Variants in BIRC2 observed in about 807,000 individuals in gnomAD.
BIRC2 encodes baculoviral IAP repeat containing 2, also known as baculoviral IAP repeat-containing protein 2.
In BIRC2, 18 loss-of-function variants were observed where a neutral mutation model predicts 60.9. The observed-to-expected ratio is 0.30, with a 90% CI of 0.20 to 0.44. The LOEUF (loss-of-function observed/expected upper bound fraction) is 0.44, where lower values mean the gene tolerates loss of function less well. Ranked by LOEUF, BIRC2 falls within the 20% of genes least tolerant of loss-of-function variation. BIRC2 has a pLI of 1.00. For missense variants in BIRC2, 701 were observed against 728.5 expected (o/e 0.96, Z 0.43); for synonymous variants, 282 against 247.7 (o/e 1.14, Z -1.30).
At position 102,350,830 on chromosome 11, in the gene BIRC2, T is replaced by G; in HGVS notation, c.896-14T>G. 3.1e-6 allele frequency: 5 copies of G among 1,612,240 alleles called. No individual in the cohort carries two copies. Among genetic ancestry groups the G allele is most frequent in the Non-Finnish European group, 4.2e-6 (5 of 1,179,544 alleles). The stretch of plus-strand genomic sequence containing the variant: ...CATACGTGTTTTCAATATTTAGTCT[T>G]TTTTTTCCTGAAGGTCGCAATGATG... On this transcript the variant is annotated splice_polypyrimidine_tract_variant and intron_variant, in intron 2 of 8. Coordinates refer to ENST00000227758, the MANE Select transcript of BIRC2 (RefSeq NM_001166.5).
chr11:102,361,264 T>C (rs1951482822), intron 3 of BIRC2, among the ~76,000 whole-genome samples: 1 of 152,182 alleles, frequency 6.6e-6, no homozygotes, highest in Non-Finnish European at 1.5e-5. Flanking sequence ...GTGCCTCAGA[T>C]GTGGGTGCAC....
chr11:102,352,603 G>C (rs769501499), intron 3 of BIRC2, among the ~76,000 whole-genome samples: 2 of 151,982 alleles, frequency 1.3e-5, no homozygotes. Context: ...AGTAGAGACA[G>C]GGTTTTTAGT....
Position 102,350,126 on chromosome 11 carries a change from A to G in BIRC2, c.272A>G (p.Asp91Gly). ...VKCFCCGLML[D>G]NWKLGDSPIQ... ...TGCTTCTGTTGTGGCCTGATGCTGG[A>G]TAACTGGAAACTAGGAGACAGTCCT... Residue 91 changes from aspartate to glycine, a missense_variant, in exon 2 of 9, where the codon GAT (aspartate) becomes GGT (glycine). This residue lies in a region of BIRC2 where 375 missense variants were observed against 365.9 expected (regional missense o/e 1.02). Coordinates refer to ENST00000227758, the MANE Select transcript of BIRC2 (RefSeq NM_001166.5). 3.1e-6 allele frequency: 5 copies of G among 1,614,220 alleles called. No individual in the cohort carries two copies. The highest frequency in any genetic ancestry group is 4.2e-6 in the Non-Finnish European group (5 of 1,180,032).
At chr11:102,360,548 TTATC>T (rs1951473834) in intron 3 of BIRC2, among the ~76,000 whole-genome samples, 1 of 152,056 alleles carries the variant, frequency 6.6e-6, no homozygotes, top group African/African-American at 2.4e-5. Context: ...TTTTATTTCA[TTATC>T]TGTGTTCTTT....
At chr11:102,353,376 C>T (rs993971067) in intron 3 of BIRC2, among the ~76,000 whole-genome samples, 1 of 152,118 alleles carries the variant, frequency 6.6e-6, no homozygotes, top group African/African-American at 2.4e-5. Context: ...CCTATCACTG[C>T]TGGAGTGCAG....
chr11:102,348,095 G>C (rs545507782), intron 1 of BIRC2, among the ~76,000 whole-genome samples: 1 of 152,272 alleles, frequency 6.6e-6, no homozygotes, highest in Non-Finnish European at 1.5e-5. Context: ...AATTGTAAGG[G>C]AATGGCAGAG....
At chr11:102,354,563 G>A (rs1951399399) in intron 3 of BIRC2, among the ~76,000 whole-genome samples, 1 of 152,166 alleles carries the variant, frequency 6.6e-6, no homozygotes. Context: ...TTGAACATGG[G>A]AGTAGAGATA....
chr11:102,374,636 G>T (rs1565339195), intron 6 of BIRC2, among the ~76,000 whole-genome samples: 4 of 152,000 alleles, frequency 2.6e-5, no homozygotes, highest in African/African-American at 9.7e-5. Flanking sequence ...TCTGTGCCCT[G>T]CCCCCAGAGG....
chr11:102,374,117 C>T (rs1951670224), intron 6 of BIRC2, among the ~76,000 whole-genome samples: 1 of 148,416 alleles, frequency 6.7e-6, no homozygotes, highest in Admixed American at 6.7e-5. Flanking sequence ...GTTTGAATGT[C>T]CTCCTGTAGC....
intron 4 of BIRC2, among the ~76,000 whole-genome samples, 188 bp downstream of exon 4, chr11:102,363,162 T>G (rs1951504988): frequency 6.6e-6 from 1 of 152,194 alleles, no homozygotes; most frequent in South Asian, 2.1e-4. Flanking sequence ...GTACATACTT[T>G]CATCCATGTT....
intron 2 of BIRC2, 35 bp downstream of exon 2, chr11:102,350,784 A>C: frequency 1.9e-6 from 3 of 1,600,912 alleles, no homozygotes; most frequent in Non-Finnish European, 2.6e-6. Context: ...TTATCATTTT[A>C]TTTTAATTTA....
chr11:102,374,769 G>C (rs957084741), intron 6 of BIRC2, among the ~76,000 whole-genome samples: 1 of 152,182 alleles, frequency 6.6e-6, no homozygotes, highest in Non-Finnish European at 1.5e-5. Flanking sequence ...CCCCAGCCTC[G>C]CTGCTGCCTT....
chr11:102,356,151 A>T (rs1386831213), intron 3 of BIRC2, among the ~76,000 whole-genome samples: 2 of 151,492 alleles, frequency 1.3e-5, no homozygotes, highest in African/African-American at 4.8e-5. Flanking sequence ...TGGCAAGAGT[A>T]AGCACCCTTG....
In BIRC2 at chr11:102,367,505, C is replaced by T. The variant is rs181307843; in HGVS notation, c.1124-801C>T. On this transcript the variant is annotated intron_variant, in intron 5 of 8. Transcript: ENST00000227758. ...TTTGAACAAGAGGGGACATTGTTGA[C>T]GTTGTATATTTATTATAAGTTTCCA... 2.1e-3 allele frequency among the ~76,000 whole-genome samples: 320 copies of T among 152,146 alleles called. 4 individuals carry two copies. Among genetic ancestry groups the T allele is most frequent in the East Asian group, 3.7e-3 (19 of 5,178 alleles).
chr11:102,377,862 A>G lies in BIRC2; in HGVS notation c.1627A>G (p.Lys543Glu). 1 of 1,609,406 alleles carries G rather than the reference A, an allele frequency of 6.2e-7. No homozygotes were observed. Among genetic ancestry groups the G allele is most frequent in the Non-Finnish European group, 8.5e-7 (1 of 1,178,718 alleles). The change falls in exon 8 of 9, where the codon AAG (lysine) becomes GAG (glutamate). Residue 543 changes from lysine (K) to glutamate (E), a missense_variant. By Grantham distance (56) the Lys-to-Glu change is moderately conservative. This residue lies in a region of BIRC2 where 235 missense variants were observed against 208.9 expected (regional missense o/e 1.12). Transcript: ENST00000227758. ...STLYKNLFVD[K>E]NMKYIPTEDV... is the part of the protein sequence containing the mutation. ...TTTATGTTTTCTTTCCTCAGTGGATAAGAATATGAAGTATATTCCAACAGA... is the reference window on the plus strand; with the variant it reads ...TTTATGTTTTCTTTCCTCAGTGGATGAGAATATGAAGTATATTCCAACAGA...
rs1235417104 is a variant in BIRC2 at position 102,378,166 on chromosome 11, C to T, written c.1840C>T (p.Arg614Cys). 4 of 1,587,590 alleles carry T rather than the reference C, an allele frequency of 2.5e-6. No homozygotes were observed. Among genetic ancestry groups the T allele is most frequent in the Non-Finnish European group, 3.4e-6 (4 of 1,171,990 alleles). Reference sequence around the variant, plus strand: ...CAGGGGTATAATCAAGGGTACTGTTCGTACATTTCTCTCTTAAAGAAAAAT... The same window carrying T: ...CAGGGGTATAATCAAGGGTACTGTTTGTACATTTCTCTCTTAAAGAAAAAT... ...ICRGIIKGTV[R>C]TFLS The change falls in exon 9 of 9, where the codon CGT becomes TGT. Residue 614 changes from arginine (R) to cysteine (C), a missense_variant. By Grantham distance (180) the Arg-to-Cys change is radical. Around this residue, in one of 4 missense-constraint regions of BIRC2, gnomAD observed 52 missense variants for 83.9 expected, o/e 0.62. Transcript: ENST00000227758.
intron 6 of BIRC2, among the ~76,000 whole-genome samples, chr11:102,370,193 G>T (rs1468070538): frequency 6.7e-6 from 1 of 148,886 alleles, no homozygotes; most frequent in Non-Finnish European, 1.5e-5. Context: ...GTCAATTTTG[G>T]CTTTTGTTGC....
chr11:102,364,212 G>A (rs1393060767), intron 5 of BIRC2, among the ~76,000 whole-genome samples: 1 of 141,050 alleles, frequency 7.1e-6, no homozygotes, highest in Non-Finnish European at 1.5e-5. Context: ...GAGAGAGAGA[G>A]AGAGTGTAAT....
chr11:102,356,195 C>CTTTTTT (rs540599539), intron 3 of BIRC2, among the ~76,000 whole-genome samples: 2 of 127,012 alleles, frequency 1.6e-5, no homozygotes, highest in Non-Finnish European at 3.4e-5. Flanking sequence ...AAGCTGAAAG[C>CTTTTTT]TTTTTTTTTT....
Sources: gnomAD v4.1 joint callset for allele counts (sites outside exome capture counted in the v4.1 genomes callset) on GRCh38, gnomAD v4.1.1 for gene constraint, gnomAD v4.1.1 regional missense constraint, MANE v1.5 for transcripts, NCBI Gene and HGNC (gene_info 2026-07-23, HGNC 2026-07-21) for gene names.